Variants in ZNF385D observed in about 807,000 individuals in gnomAD.
ZNF385D encodes the protein zinc finger protein 385D, also known as zinc finger protein 659.
A neutral mutation model predicts 35.8 loss-of-function variants in ZNF385D; 15 were observed. That is an observed-to-expected ratio of 0.42 (90% CI 0.28 to 0.64). ZNF385D has a LOEUF of 0.64. Among genes scored for constraint, ZNF385D ranks in the 30% least tolerant of loss-of-function variants. The pLI is 0.23. For synonymous variants in ZNF385D, 212 were observed against 186.8 expected (o/e 1.13, Z -1.10); for missense variants, 474 against 494.6 (o/e 0.96, Z 0.39).
chr3:21,535,420 A>AC (rs71618859), intron 3 of ZNF385D, among the ~76,000 whole-genome samples: 30,634 of 151,964 alleles, frequency 0.2, 3,422 homozygotes, highest in African/African-American at 0.29. Flanking sequence ...TACTGAAGAA[A>AC]CTGGGTTTTC....
rs181765431 is a variant in ZNF385D at position 22,145,070 on chromosome 3, A to T, written c.325+23747T>A. 5.9e-5 allele frequency among the ~76,000 whole-genome samples: 9 copies of T among 151,638 alleles called. No individual in the cohort carries two copies. In the East Asian group the frequency reaches 1.7e-3, roughly 29 times the overall value. ...CAATTAGTTATCAGTGATACTACATACTTATCAGCAGTACTCAAAATGTCC... is the reference window on the plus strand; with the variant it reads ...CAATTAGTTATCAGTGATACTACATTCTTATCAGCAGTACTCAAAATGTCC... On this transcript the variant is annotated intron_variant, in intron 3 of 5. Coordinates refer to the ZNF385D transcript ENST00000494108.
At chr3:21,715,239 C>G (rs1350101018) in intron 1 of ZNF385D, among the ~76,000 whole-genome samples, 1 of 152,120 alleles carries the variant, frequency 6.6e-6, no homozygotes, top group African/African-American at 2.4e-5. Flanking sequence ...CATTCCCTCT[C>G]CTCTCACCCC....
chr3:21,462,095 C>T (rs1211488622), intron 4 of ZNF385D, among the ~76,000 whole-genome samples: 1 of 152,140 alleles, frequency 6.6e-6, no homozygotes, highest in African/African-American at 2.4e-5. Flanking sequence ...TCATCATGTT[C>T]AGTAGCAAAA....
At chr3:21,988,599 G>T (rs1694954891) in intron 3 of ZNF385D, among the ~76,000 whole-genome samples, 1 of 150,846 alleles carries the variant, frequency 6.6e-6, no homozygotes, top group Admixed American at 6.6e-5. Flanking sequence ...ATTTAAGTCT[G>T]CAGAGGTTAC....
At chr3:21,728,144 G>C (rs1409444349) in intron 1 of ZNF385D, among the ~76,000 whole-genome samples, 1 of 152,064 alleles carries the variant, frequency 6.6e-6, no homozygotes, top group Non-Finnish European at 1.5e-5. Flanking sequence ...GGGTGGTGGA[G>C]GGCTAGGAGA....
intron 3 of ZNF385D, among the ~76,000 whole-genome samples, chr3:21,940,920 G>C (rs1165108231): frequency 6.6e-6 from 1 of 152,102 alleles, no homozygotes; most frequent in Admixed American, 6.6e-5. Flanking sequence ...ACACCACAGA[G>C]GATCCATCCA....
intron 3 of ZNF385D, among the ~76,000 whole-genome samples, chr3:21,516,872 G>A (rs1460577703): frequency 6.6e-6 from 1 of 151,744 alleles, no homozygotes; most frequent in Non-Finnish European, 1.5e-5. Flanking sequence ...TGTAACACCA[G>A]AAAAGAAAAA....
chr3:21,592,185 T>A (rs1323941405), intron 2 of ZNF385D, among the ~76,000 whole-genome samples: 3 of 152,178 alleles, frequency 2.0e-5, no homozygotes, highest in Non-Finnish European at 4.4e-5. Flanking sequence ...ATTAGTTGTT[T>A]TCTTGACTTA....
intron 2 of ZNF385D, among the ~76,000 whole-genome samples, chr3:22,332,752 A>G (rs894905578): frequency 6.6e-6 from 1 of 152,178 alleles, no homozygotes; most frequent in Non-Finnish European, 1.5e-5. Context: ...GAGAAAAACC[A>G]TTATCCTGTG....
chr3:21,862,648 G>C (rs1223814065), intron 3 of ZNF385D, among the ~76,000 whole-genome samples: 1 of 152,126 alleles, frequency 6.6e-6, no homozygotes, highest in Non-Finnish European at 1.5e-5. Flanking sequence ...AACTGAATTA[G>C]AGAGAACCAA....
At chr3:21,564,916 T>TACTA (rs1360933672) in intron 2 of ZNF385D, among the ~76,000 whole-genome samples, 3 of 152,312 alleles carry the variant, frequency 2.0e-5, no homozygotes, top group South Asian at 2.1e-4. Context: ...AGAGTCTGCA[T>TACTA]ACTAACTGTT....
intron 1 of ZNF385D, among the ~76,000 whole-genome samples, chr3:21,688,652 C>G (rs529856245): frequency 1.3e-5 from 2 of 152,126 alleles, no homozygotes; most frequent in Non-Finnish European, 2.9e-5. Context: ...TCTTTTAAAT[C>G]CATGAATTCT....
chr3:21,427,402 C>G (rs1701072010), intron 5 of ZNF385D, among the ~76,000 whole-genome samples: 1 of 152,066 alleles, frequency 6.6e-6, no homozygotes, highest in Admixed American at 6.6e-5. Context: ...TTGAGGCATT[C>G]CAAATTCACT....
At chr3:21,770,911 A>G (rs1277393240) in intron 3 of ZNF385D, among the ~76,000 whole-genome samples, 3 of 152,126 alleles carry the variant, frequency 2.0e-5, no homozygotes, top group South Asian at 4.2e-4. Flanking sequence ...ATGCAGCCAT[A>G]AAAAAGGATG....
chr3:21,772,252 A>C (rs2125614643), intron 3 of ZNF385D, among the ~76,000 whole-genome samples: 1 of 152,032 alleles, frequency 6.6e-6, no homozygotes, highest in South Asian at 2.1e-4. Context: ...TTTTTTAAAA[A>C]TGTTCTCCAA....
At chr3:22,078,565 T>G (rs563197529) in intron 3 of ZNF385D, among the ~76,000 whole-genome samples, 142 of 152,202 alleles carry the variant, frequency 9.3e-4, no homozygotes, top group African/African-American at 3.3e-3. Context: ...CAAGGCACAG[T>G]GCTTATCAAG....
chr3:21,752,612 G>T (rs1341721118), upstream of ZNF385D, among the ~76,000 whole-genome samples: 2 of 151,958 alleles, frequency 1.3e-5, no homozygotes, highest in East Asian at 3.9e-4. Flanking sequence ...AGATTATAAA[G>T]AATTTGGTGA....
chr3:22,351,728 A>G (rs558419099), intron 2 of ZNF385D, among the ~76,000 whole-genome samples: 1 of 152,310 alleles, frequency 6.6e-6, no homozygotes, highest in Non-Finnish European at 1.5e-5. Flanking sequence ...AGATTAACTC[A>G]TATCTTCAAC....
chr3:21,522,499 C>A (rs1284605424), intron 3 of ZNF385D, among the ~76,000 whole-genome samples: 1 of 152,122 alleles, frequency 6.6e-6, no homozygotes, highest in Non-Finnish European at 1.5e-5. Flanking sequence ...GCCACCACAC[C>A]CAGCTAATTA....
Sources: gnomAD v4.1 joint callset for allele counts (sites outside exome capture counted in the v4.1 genomes callset) on GRCh38, gnomAD v4.1.1 for gene constraint, MANE v1.5 for transcripts, NCBI Gene and HGNC (gene_info 2026-07-23, HGNC 2026-07-21) for gene names.